The following FARSA variants were observed in gnomAD, a reference collection of about 807,000 sequenced individuals.
The protein encoded by FARSA is phenylalanyl-tRNA synthetase subunit alpha, also known as phenylalanine--tRNA ligase alpha subunit.
Under a neutral mutation model 63.2 loss-of-function variants are expected in FARSA, and 37 were observed. The ratio of observed to expected loss-of-function variants is 0.59; its 90% CI spans 0.45 to 0.77. FARSA has a LOEUF of 0.77. Among genes scored for constraint, FARSA ranks in the 30% least tolerant of loss-of-function variants. The pLI is 0.00. For missense variants in FARSA, 618 were observed against 696.6 expected, an observed-to-expected ratio of 0.89 and a Z score of 1.27; for synonymous variants, 312 against 285.1, an observed-to-expected ratio of 1.09 and a Z score of -0.95.
chr19:12,929,351 C>T (rs995539173), intron 4 of FARSA, among the ~76,000 whole-genome samples: 3 of 152,200 alleles, frequency 2.0e-5, no homozygotes, highest in African/African-American at 7.2e-5. Flanking sequence ...GGATTACAGG[C>T]ACCCGCCACC....
chr19:12,928,915 C>A, intron 4 of FARSA, 68 bp from the exon 5 acceptor site: 1 of 1,374,206 alleles, frequency 7.3e-7, no homozygotes, highest in Non-Finnish European at 1.0e-6. Flanking sequence ...GATCTCCCGT[C>A]TGATGAGGAT....
chr19:12,930,771 G>A (rs372531699), intron 1 of FARSA, 22 bp from the exon 2 acceptor site: 113 of 1,602,432 alleles, frequency 7.1e-5, no homozygotes, highest in Non-Finnish European at 9.5e-5. Context: ...TGTGGGGAGG[G>A]TGTCCAGGCA....
At chr19:12,930,141 G>T in intron 4 of FARSA, 82 bp downstream of exon 4, 1 of 1,116,276 alleles carries the variant, frequency 9.0e-7, no homozygotes, top group Non-Finnish European at 1.3e-6. Flanking sequence ...GCTTGGTGTG[G>T]GCAAGATGTC....
In FARSA at chr19:12,924,100, G is replaced by C; in HGVS notation, c.1388+51C>G. 7.0e-7 allele frequency: 1 copy of C among 1,423,666 alleles called. No individual in the cohort carries two copies. The highest frequency in any genetic ancestry group is 1.1e-5 in the South Asian group (1 of 87,500). The allele number at this position is 1,423,666 out of a possible 1,614,324, so 88.2% of individuals were successfully genotyped here. A position where few individuals can be genotyped will look rare whatever the true frequency, so the allele number is the denominator to read the frequency against. On this transcript the variant is annotated intron_variant, in intron 12 of 12. Transcript: ENST00000314606. This position sits in a 1 kb window ranked among gnomAD's most constrained non-coding sequence, Gnocchi z 6.4. ...GAAACCACGCAGGCCCCTATACCTG[G>C]AGAGTTATTTGAGGCAGCTGGACAC...
intron 7 of FARSA, among the ~76,000 whole-genome samples, chr19:12,926,225 A>G (rs1971325090): frequency 7.0e-6 from 1 of 143,744 alleles, no homozygotes; most frequent in African/African-American, 2.6e-5. Context: ...TGCTGGAATT[A>G]CAGGCGTGAG....
rs144968946 is a variant in FARSA, at chr19:12,930,293, C to A, written c.433G>T (p.Gly145Trp). ...EVQRRLQLVRGGQAEKLGEKE... is the reference protein window; with the variant it reads ...EVQRRLQLVRWGQAEKLGEKE... ...TCCCCCAGCTTCTCAGCCTGTCCCC[C>A]CCGGACCAGCTGGAGCCGCCGCTGC... Residue 145 changes from glycine to tryptophan, a missense_variant, in exon 4 of 13, where the codon GGG becomes TGG. Gly to Trp is a radical substitution (Grantham distance 184). Transcript: ENST00000314606. 2.1e-5 allele frequency: 34 copies of A among 1,614,024 alleles called. No homozygotes were observed. Among genetic ancestry groups the A allele is most frequent in the African/African-American group, 1.3e-4 (10 of 74,940 alleles).
chr19:12,932,683 C>T (rs957797147), intron 1 of FARSA, among the ~76,000 whole-genome samples: 3 of 152,176 alleles, frequency 2.0e-5, no homozygotes, highest in African/African-American at 7.2e-5. Flanking sequence ...AGAACATGAG[C>T]TCTACGGATA....
Position 12,924,592 on chromosome 19 carries a change from C to G in FARSA, c.1195+47G>C. 5 of 1,612,602 alleles carry G rather than the reference C, an allele frequency of 3.1e-6. No homozygotes were observed. In the South Asian group the frequency reaches 5.5e-5, roughly 18 times the overall value. On this transcript the variant is annotated intron_variant, in intron 10 of 12. Transcript: ENST00000314606. The surrounding 1 kb of genome is among the most constrained non-coding windows in gnomAD (Gnocchi z 6.4). ...AGGATAATGCTGGTGATCAACACACCTGCCCGCTGCCTCACCACCATGGCC... is the reference window on the plus strand; with the variant it reads ...AGGATAATGCTGGTGATCAACACACGTGCCCGCTGCCTCACCACCATGGCC...
chr19:12,925,225 T>A, intron 7 of FARSA, 51 bp from the exon 8 acceptor site: 2 of 664,466 alleles, frequency 3.0e-6, no homozygotes, highest in Admixed American at 4.1e-5. Context: ...TTCCCACCCC[T>A]TTTTTTTTTT....
chr19:12,927,154 C>T (rs557126634), intron 7 of FARSA, among the ~76,000 whole-genome samples: 3 of 152,164 alleles, frequency 2.0e-5, no homozygotes, highest in East Asian at 3.9e-4. Flanking sequence ...GGGGTGAGCC[C>T]GGGAGTGTTA....
chr19:12,924,822 C>A lies in FARSA; in HGVS notation c.1027-15G>T. 1 of 1,611,040 alleles carries A rather than the reference C, an allele frequency of 6.2e-7. No individual in the cohort carries two copies. The highest frequency in any genetic ancestry group is 8.5e-7 in the Non-Finnish European group (1 of 1,177,890). On this transcript the variant is annotated splice_polypyrimidine_tract_variant and intron_variant, in intron 9 of 12. Coordinates refer to ENST00000314606, the MANE Select transcript of FARSA (RefSeq NM_004461.3). This position sits in a 1 kb window ranked among gnomAD's most constrained non-coding sequence, Gnocchi z 6.4. ...GTGAAGGGCTTCTAGGGGTGACAAC[C>A]GAGCCAGGCCCAGGTATGGGTCAGA...
At position 12,924,269 on chromosome 19, in the gene FARSA, C is replaced by A. The variant is rs747711558; in HGVS notation, c.1274-4G>T. The stretch of plus-strand genomic sequence containing the variant: ...ACCTCCACCCACTTCTTCAGGCCTG[C>A]AGAGGCAGGACAGAAAAGACGGGCA... On this transcript the variant is annotated splice_region_variant and splice_polypyrimidine_tract_variant and intron_variant, in intron 11 of 12. Coordinates refer to ENST00000314606, the MANE Select transcript of FARSA (RefSeq NM_004461.3). This position sits in a 1 kb window ranked among gnomAD's most constrained non-coding sequence, Gnocchi z 6.4. 1 of 1,612,854 alleles carries A rather than the reference C, an allele frequency of 6.2e-7. No individual in the cohort carries two copies. Among genetic ancestry groups the A allele is most frequent in the South Asian group, 1.1e-5 (1 of 91,072 alleles).
chr19:12,930,455 C>A lies in FARSA; in HGVS notation c.358G>T (p.Ala120Ser). The change falls in exon 3 of 13, where the codon GCT becomes TCT. Residue 120 changes from alanine (A) to serine (S), a missense_variant. By Grantham distance (99) the Ala-to-Ser change is moderately conservative. Transcript: ENST00000314606. ...NKWIRVDKSA[A>S]DGPRVFRVVD... ...ACTCGGAACACCCGGGGCCCGTCAG[C>A]CGCACTCTTGTCCACCCGAATCCAC... The A allele has an allele frequency of 6.2e-7, 1 of 1,614,180 alleles. No homozygotes were observed. Among genetic ancestry groups the A allele is most frequent in the Non-Finnish European group, 8.5e-7 (1 of 1,180,008 alleles).
rs777334223 is a variant in FARSA at position 12,924,850 on chromosome 19, G to T, written c.1027-43C>A. 2 of 1,613,764 alleles carry T rather than the reference G, an allele frequency of 1.2e-6. No homozygotes were observed. Among genetic ancestry groups the T allele is most frequent in the Non-Finnish European group, 1.7e-6 (2 of 1,179,846 alleles). ...GCCAGGCCCAGGTATGGGTCAGAAGGTCCCTTTGACAGCACCCTCTCCCCA... is the reference window on the plus strand; with the variant it reads ...GCCAGGCCCAGGTATGGGTCAGAAGTTCCCTTTGACAGCACCCTCTCCCCA... On this transcript the variant is annotated intron_variant, in intron 9 of 12. Transcript: ENST00000314606. This position sits in a 1 kb window ranked among gnomAD's most constrained non-coding sequence, Gnocchi z 6.4.
chr19:12,928,023 CA>C (rs34586259), intron 7 of FARSA, among the ~76,000 whole-genome samples: 45 of 73,402 alleles, frequency 6.1e-4, no homozygotes, highest in Admixed American at 2.3e-3. Flanking sequence ...GACCCTGTCT[CA>C]AAAAAAAAAA....
rs1201816071 is a variant in FARSA at position 12,924,104 on chromosome 19, G to A, written c.1388+47C>T. On this transcript the variant is annotated intron_variant, in intron 12 of 12. Transcript: ENST00000314606. The surrounding 1 kb of genome is among the most constrained non-coding windows in gnomAD (Gnocchi z 6.4). ...CCACGCAGGCCCCTATACCTGGAGA[G>A]TTATTTGAGGCAGCTGGACACCCCG... 2 of 1,463,942 alleles carry A rather than the reference G, an allele frequency of 1.4e-6. No homozygotes were observed. The highest frequency in any genetic ancestry group is 1.1e-5 in the South Asian group (1 of 88,262). 90.7% of individuals were successfully genotyped at this position (1,463,942 alleles called of 1,614,324 possible).
At chr19:12,927,454 C>G (rs1442557565) in intron 7 of FARSA, among the ~76,000 whole-genome samples, 1 of 152,048 alleles carries the variant, frequency 6.6e-6, no homozygotes, top group Non-Finnish European at 1.5e-5. Context: ...TAATTTTGGG[C>G]TAGGCGTGGT....
intron 7 of FARSA, among the ~76,000 whole-genome samples, chr19:12,926,661 C>G (rs909808176): frequency 1.3e-5 from 2 of 152,150 alleles, no homozygotes; most frequent in South Asian, 4.1e-4. Context: ...CAGGCTCAAG[C>G]AATCCTTCAC....
intron 2 of FARSA, 32 bp from the exon 3 acceptor site, chr19:12,930,559 C>A (rs560607727): frequency 1.2e-6 from 2 of 1,609,328 alleles, no homozygotes; most frequent in East Asian, 2.2e-5. Context: ...GAGTGGGGCA[C>A]GAGGGCCACC....
Sources: allele counts gnomAD v4.1 joint callset (sites outside exome capture counted in the v4.1 genomes callset), GRCh38; gene constraint gnomAD v4.1.1; non-coding constraint Gnocchi (gnomAD v3.1); transcripts MANE v1.5; gene names NCBI Gene and HGNC (gene_info 2026-07-23, HGNC 2026-07-21).